The following FGF12 variants were observed in gnomAD, a reference collection of about 807,000 sequenced individuals.
FGF12 encodes the protein fibroblast growth factor 12, also known as fibroblast growth factor 12B.
In FGF12, 14 loss-of-function variants were observed where a neutral mutation model predicts 23.6. That is an observed-to-expected ratio of 0.59 (90% CI 0.39 to 0.93). The LOEUF (loss-of-function observed/expected upper bound fraction) is 0.93, where lower values mean the gene tolerates loss of function less well. FGF12 is among the 40% of genes least tolerant of loss of function. The pLI is 0.00. For synonymous variants in FGF12, 62 were observed against 77.3 expected (o/e 0.80, Z 1.04); for missense variants, 175 against 217.8 (o/e 0.80, Z 1.24).
intron 2 of FGF12, among the ~76,000 whole-genome samples, chr3:192,618,843 C>T (rs988674764): frequency 4.0e-5 from 6 of 151,852 alleles, no homozygotes; most frequent in Non-Finnish European, 7.4e-5. Flanking sequence ...AATTAGCAAA[C>T]GTTCACCAAT....
intron 5 of FGF12, among the ~76,000 whole-genome samples, chr3:192,158,972 C>G (rs1471543615): frequency 6.6e-6 from 1 of 151,984 alleles, no homozygotes; most frequent in East Asian, 1.9e-4. Flanking sequence ...GTCCCTCTCT[C>G]CTGTGATCCC....
chr3:192,421,499 G>C (rs927101784), intron 2 of FGF12, among the ~76,000 whole-genome samples: 4 of 151,862 alleles, frequency 2.6e-5, no homozygotes, highest in African/African-American at 9.7e-5. Flanking sequence ...CATAAAAAAG[G>C]ATGAGTTCAT....
intron 4 of FGF12, among the ~76,000 whole-genome samples, chr3:192,191,611 G>C (rs900235051): frequency 2.6e-5 from 4 of 152,164 alleles, no homozygotes; most frequent in African/African-American, 9.7e-5. Context: ...TGAGGTGGGA[G>C]GATCATGAGG....
At chr3:192,363,390 G>A (rs1718829701) in intron 2 of FGF12, among the ~76,000 whole-genome samples, 1 of 152,120 alleles carries the variant, frequency 6.6e-6, no homozygotes. Flanking sequence ...GCCATCCCCT[G>A]TTGGAGCCCT....
intron 4 of FGF12, among the ~76,000 whole-genome samples, chr3:192,285,075 C>T (rs1199310082): frequency 6.6e-6 from 1 of 152,050 alleles, no homozygotes; most frequent in African/African-American, 2.4e-5. Flanking sequence ...ATACTAAGTA[C>T]TATTTGGGAT....
At chr3:192,603,822 T>C (rs149961076) in intron 2 of FGF12, among the ~76,000 whole-genome samples, 63 of 152,258 alleles carry the variant, frequency 4.1e-4, no homozygotes, top group African/African-American at 1.4e-3. Context: ...GCACGTATTG[T>C]CTTGATAAAC....
chr3:192,205,799 G>A lies in FGF12; in HGVS notation c.229-35143C>T, dbSNP rs1522275. Among the ~76,000 whole-genome samples the A allele has an allele frequency of 3.8e-3, 581 of 152,292 alleles. 3 individuals are homozygous for A. The highest frequency in any genetic ancestry group is 6.8e-3 in the Non-Finnish European group (465 of 68,022). ...GAGGCCTTGAAGTGGTGTGATAAGC[G>A]TGGAAGAAGATGAGAATGCCAGCTA... On this transcript the variant is annotated intron_variant, in intron 4 of 5. Coordinates refer to ENST00000445105, the MANE Select transcript of FGF12 (RefSeq NM_004113.6).
intron 4 of FGF12, among the ~76,000 whole-genome samples, chr3:192,230,580 A>G (rs1718966290): frequency 6.6e-6 from 1 of 152,178 alleles, no homozygotes; most frequent in Admixed American, 6.5e-5. Context: ...AGAAACATTA[A>G]TTCCAACTCA....
intron 2 of FGF12, among the ~76,000 whole-genome samples, chr3:192,607,483 G>A (rs1714381609): frequency 6.6e-6 from 1 of 152,132 alleles, no homozygotes; most frequent in South Asian, 2.1e-4. Flanking sequence ...GTTAACTAGA[G>A]CTTTAGTTTC....
intron 2 of FGF12, among the ~76,000 whole-genome samples, chr3:192,671,632 T>A (rs2108694900): frequency 6.6e-6 from 1 of 152,300 alleles, no homozygotes; most frequent in East Asian, 1.9e-4. Flanking sequence ...CCCTTTATGA[T>A]ATTTACACAC....
At chr3:192,466,586 A>G (rs527477906) in intron 2 of FGF12, among the ~76,000 whole-genome samples, 75 of 152,230 alleles carry the variant, frequency 4.9e-4, no homozygotes, top group Non-Finnish European at 7.6e-4. Context: ...TCTCATCTCA[A>G]TTTACTCCAT....
intron 2 of FGF12, among the ~76,000 whole-genome samples, chr3:192,363,859 A>T (rs944469421): frequency 5.3e-5 from 8 of 152,226 alleles, no homozygotes; most frequent in Admixed American, 3.3e-4. Context: ...ACGTTTATTT[A>T]TCAGACTATG....
Position 192,335,370 on chromosome 3 carries a change from G to A in FGF12, c.219C>T (p.Leu73=), listed in dbSNP as rs747905391. 1 of 1,608,620 alleles carries A rather than the reference G, an allele frequency of 6.2e-7. No homozygotes were observed. The highest frequency in any genetic ancestry group is 1.1e-5 in the South Asian group (1 of 90,976). Residue 73 remains leucine, a synonymous_variant, in exon 4 of 6, where the codon CTC becomes CTT. Coordinates refer to ENST00000445105, the MANE Select transcript of FGF12 (RefSeq NM_004113.6). Reference sequence around the variant, plus strand: ...ACTACAATGTACTTACTGAACTGTAGAGATAGCCTTCACCATTCATGGCCA... The same window carrying A: ...ACTACAATGTACTTACTGAACTGTAAAGATAGCCTTCACCATTCATGGCCA... ...LYVAMNGEGY[L]YSSDVFTPEC...
At chr3:192,204,017 A>T (rs956513055) in intron 4 of FGF12, among the ~76,000 whole-genome samples, 5 of 150,480 alleles carry the variant, frequency 3.3e-5, no homozygotes, top group Non-Finnish European at 5.9e-5. Flanking sequence ...ATTTGTCGTT[A>T]AAAAAAAAGC....
intron 4 of FGF12, among the ~76,000 whole-genome samples, chr3:192,228,794 A>ATTCT (rs1309518414): frequency 1.3e-5 from 2 of 152,130 alleles, no homozygotes; most frequent in Non-Finnish European, 2.9e-5. Context: ...ACTGATTTAC[A>ATTCT]TTCTTGCTTT....
At chr3:192,415,732 T>TCTCATACA (rs369293180) in intron 2 of FGF12, among the ~76,000 whole-genome samples, 3,700 of 117,958 alleles carry the variant, frequency 0.031, 90 homozygotes, top group South Asian at 0.044. Flanking sequence ...TCTCTCTCTC[T>TCTCATACA]CACACACACA....
At chr3:192,379,965 C>G (rs1719747797) in intron 2 of FGF12, among the ~76,000 whole-genome samples, 1 of 152,090 alleles carries the variant, frequency 6.6e-6, no homozygotes, top group Admixed American at 6.5e-5. Flanking sequence ...TTATTGGATA[C>G]CATAAAGTAC....
chr3:192,291,793 A>G (rs141800926), intron 4 of FGF12, among the ~76,000 whole-genome samples: 275 of 152,330 alleles, frequency 1.8e-3, no homozygotes, highest in Middle Eastern at 0.017. Context: ...CATTCTTTCT[A>G]TGTTTTAAGG....
At chr3:192,308,129 A>G (rs1404999185) in intron 4 of FGF12, among the ~76,000 whole-genome samples, 1 of 152,224 alleles carries the variant, frequency 6.6e-6, no homozygotes, top group African/African-American at 2.4e-5. Flanking sequence ...GAGATGATAA[A>G]TTAGCAGACC....
Sources: gnomAD v4.1 joint callset for allele counts (sites outside exome capture counted in the v4.1 genomes callset) on GRCh38, gnomAD v4.1.1 for gene constraint, MANE v1.5 for transcripts, NCBI Gene and HGNC (gene_info 2026-07-23, HGNC 2026-07-21) for gene names.